Variants in RRN3 observed in about 807,000 individuals in gnomAD.
RRN3 encodes RNA polymerase I transcription factor RRN3, also known as RNA polymerase I-specific transcription initiation factor RRN3.
Under a neutral mutation model 82.3 loss-of-function variants are expected in RRN3, and 38 were observed. The ratio of observed to expected loss-of-function variants is 0.46; its 90% CI spans 0.36 to 0.61. The LOEUF (loss-of-function observed/expected upper bound fraction) is 0.61, where lower values mean the gene tolerates loss of function less well. RRN3 is among the 20% of genes least tolerant of loss of function. The pLI is 0.00. For missense variants in RRN3, 726 were observed against 793.1 expected (o/e 0.92, Z 1.02); for synonymous variants, 284 against 284.3 (o/e 1.00, Z 0.01).
At chr16:15,066,071 C>G (rs944362688) in intron 15 of RRN3, among the ~76,000 whole-genome samples, 4 of 152,226 alleles carry the variant, frequency 2.6e-5, no homozygotes, top group Non-Finnish European at 5.9e-5. Context: ...TCAGATCTCA[C>G]TTCTGTCACT....
At chr16:15,076,081 G>C (rs780177034) in intron 10 of RRN3, among the ~76,000 whole-genome samples, 104 of 152,110 alleles carry the variant, frequency 6.8e-4, no homozygotes, top group Middle Eastern at 3.2e-3. Flanking sequence ...CCTCCCAAGT[G>C]AGACCCGGCC....
intron 3 of RRN3, among the ~76,000 whole-genome samples, chr16:15,089,548 C>T (rs1356724220): frequency 6.6e-6 from 1 of 152,262 alleles, no homozygotes; most frequent in East Asian, 1.9e-4. Context: ...CGCCTCTAAT[C>T]CCAGCACTTT....
In RRN3 at chr16:15,076,628, A is replaced by G; in HGVS notation, c.788T>C (p.Ile263Thr). 1.2e-6 allele frequency: 2 copies of G among 1,612,396 alleles called. No individual in the cohort carries two copies. Among genetic ancestry groups the G allele is most frequent in the Non-Finnish European group, 1.7e-6 (2 of 1,178,394 alleles). Residue 263 changes from isoleucine (I) to threonine (T), a missense_variant, in exon 10 of 18, where the codon ATT (isoleucine) becomes ACT (threonine). Physicochemically the swap from Ile to Thr is moderately conservative, Grantham distance 89 (BLOSUM62 -1). Coordinates refer to ENST00000198767, the MANE Select transcript of RRN3 (RefSeq NM_018427.5). ...KLDVNASRQGIEDAEETATQT... is the reference protein window; with the variant it reads ...KLDVNASRQGTEDAEETATQT... ...AGTTGCTGTTTCTTCAGCATCTTCA[A>G]TACCCTGCCGGGATGCATTCACCTA...
intron 8 of RRN3, among the ~76,000 whole-genome samples, chr16:15,080,713 C>T (rs566304698): frequency 1.2e-3 from 183 of 152,258 alleles, no homozygotes; most frequent in African/African-American, 3.7e-3. Context: ...TAAGCCACTG[C>T]GCCCAGCCAG....
intron 2 of RRN3, among the ~76,000 whole-genome samples, chr16:15,091,977 G>C (rs1417126192): frequency 2.6e-5 from 4 of 152,130 alleles, no homozygotes; most frequent in Non-Finnish European, 4.4e-5. Context: ...AGGAGTTCGA[G>C]ACCAGCCTGG....
chr16:15,078,148 A>C (rs1197562881), intron 9 of RRN3, among the ~76,000 whole-genome samples: 2 of 152,250 alleles, frequency 1.3e-5, no homozygotes, highest in African/African-American at 2.4e-5. Context: ...ATACCAGAGA[A>C]AGACTATAAA....
At chr16:15,071,374 T>C (rs546382630) in intron 12 of RRN3, 123 bp from the exon 13 acceptor site, 3 of 903,254 alleles carry the variant, frequency 3.3e-6, no homozygotes, top group Admixed American at 2.5e-5. Flanking sequence ...AACTATCTCA[T>C]GGGCTTCATT....
intron 10 of RRN3, 59 bp downstream of exon 10, chr16:15,076,499 T>A (rs1425789431): frequency 5.4e-6 from 6 of 1,117,400 alleles, no homozygotes; most frequent in Non-Finnish European, 8.3e-6. Flanking sequence ...TGAGCAGCAC[T>A]AGCTGTTTCC....
At position 15,065,296 on chromosome 16, in the gene RRN3, G is replaced by C; in HGVS notation, c.1629C>G (p.Thr543=). ...AGATCTGCACTGAGTCTCCTCCAGC[G>C]GTACTCCTAATGACTGGCAGCATCT... ...NRQMLPVIRS[T]AGGDSVQICT... is the part of the protein sequence containing the mutation. Residue 543 remains threonine (T), a synonymous_variant, in exon 16 of 18, where the codon ACC becomes ACG. Transcript: ENST00000198767. 6.2e-7 allele frequency: 1 copy of C among 1,613,774 alleles called. No individual in the cohort carries two copies. The highest frequency in any genetic ancestry group is 8.5e-7 in the Non-Finnish European group (1 of 1,179,750).
chr16:15,062,659 C>T (rs570220298), intron 17 of RRN3, among the ~76,000 whole-genome samples: 1 of 152,306 alleles, frequency 6.6e-6, no homozygotes, highest in African/African-American at 2.4e-5. Flanking sequence ...CATGAGTCAA[C>T]TGGAGATTGT....
chr16:15,090,350 G>A (rs1007695198), intron 3 of RRN3, among the ~76,000 whole-genome samples: 3 of 152,206 alleles, frequency 2.0e-5, no homozygotes, highest in African/African-American at 7.2e-5. Flanking sequence ...AAAAACAACA[G>A]ATGACAATTA....
intron 11 of RRN3, among the ~76,000 whole-genome samples, chr16:15,073,788 C>T (rs368164989): frequency 6.6e-6 from 1 of 152,012 alleles, no homozygotes; most frequent in African/African-American, 2.4e-5. Flanking sequence ...TTTATTATTA[C>T]GACTTTTTTT....
At chr16:15,094,042 T>C (rs988965766) in intron 1 of RRN3, 103 bp downstream of exon 1, 1 of 1,043,198 alleles carries the variant, frequency 9.6e-7, no homozygotes, top group African/African-American at 1.6e-5. Context: ...CGTGCTCCTA[T>C]CACACGCCAT....
chr16:15,082,300 G>C (rs2045740903), intron 8 of RRN3, among the ~76,000 whole-genome samples: 2 of 152,184 alleles, frequency 1.3e-5, no homozygotes, highest in South Asian at 4.1e-4. Flanking sequence ...ACACACTTCT[G>C]CATCTACTGA....
At chr16:15,071,685 T>C (rs1217962720) in intron 12 of RRN3, among the ~76,000 whole-genome samples, 1 of 152,108 alleles carries the variant, frequency 6.6e-6, no homozygotes, top group Non-Finnish European at 1.5e-5. Context: ...GGAGAATCGC[T>C]TGAACCCAGG....
At chr16:15,094,008 T>G in intron 1 of RRN3, 137 bp downstream of exon 1, 1 of 749,532 alleles carries the variant, frequency 1.3e-6, no homozygotes, top group Non-Finnish European at 2.3e-6. Context: ...CTCATTTCTG[T>G]GAACGTGAGA....
At chr16:15,073,186 C>T in intron 11 of RRN3, 106 bp from the exon 12 acceptor site, 1 of 1,315,662 alleles carries the variant, frequency 7.6e-7, no homozygotes, top group African/African-American at 1.5e-5. Context: ...CATTATCCAG[C>T]CAAGCACAGT....
chr16:15,075,211 G>A (rs1210721243), intron 10 of RRN3, among the ~76,000 whole-genome samples: 12 of 148,642 alleles, frequency 8.1e-5, no homozygotes, highest in Admixed American at 7.5e-4. Flanking sequence ...GAGTTCGTGT[G>A]CTCCAGCCTG....
In RRN3 at chr16:15,094,222, C is replaced by G; in HGVS notation, c.12G>C (p.Pro4=). 2 of 1,591,464 alleles carry G rather than the reference C, an allele frequency of 1.3e-6. No homozygotes were observed. Among genetic ancestry groups the G allele is most frequent in the Non-Finnish European group, 1.7e-6 (2 of 1,169,638 alleles). Residue 4 remains proline (P), a synonymous_variant, in exon 1 of 18, where the codon CCG becomes CCC. Coordinates refer to ENST00000198767, the MANE Select transcript of RRN3 (RefSeq NM_018427.5). Reference sequence around the variant, plus strand: ...CTCCCGGCAAACGCGTGTGAAGCAGCGGTGCCGCCATTGGGCCGAACTAAC... The same window carrying G: ...CTCCCGGCAAACGCGTGTGAAGCAGGGGTGCCGCCATTGGGCCGAACTAAC... MAA[P]LLHTRLPGDA...
Sources: allele counts gnomAD v4.1 joint callset (sites outside exome capture counted in the v4.1 genomes callset), GRCh38; gene constraint gnomAD v4.1.1; transcripts MANE v1.5; gene names NCBI Gene and HGNC (gene_info 2026-07-23, HGNC 2026-07-21).